Variants in GABRB3 observed in about 807,000 individuals in gnomAD.
The protein encoded by GABRB3 is gamma-aminobutyric acid receptor subunit beta-3.
In GABRB3, 14 loss-of-function variants were observed where a neutral mutation model predicts 52.1. The ratio of observed to expected loss-of-function variants is 0.27; its 90% CI spans 0.18 to 0.42. The LOEUF is 0.42. Ranked by LOEUF, GABRB3 falls within the 10% of genes least tolerant of loss-of-function variation. GABRB3 has a pLI of 1.00. For synonymous variants in GABRB3, 260 were observed against 232.3 expected (o/e 1.12, Z -1.08); for missense variants, 307 against 609.1 (o/e 0.50, Z 5.22).
At chr15:26,654,130 T>C (rs1887287577) in intron 3 of GABRB3, among the ~76,000 whole-genome samples, 1 of 152,306 alleles carries the variant, frequency 6.6e-6, no homozygotes, top group Non-Finnish European at 1.5e-5. Context: ...AAATTTGTGG[T>C]AAACAAAGGT....
At chr15:26,599,103 C>A (rs184877113) in intron 4 of GABRB3, among the ~76,000 whole-genome samples, 2 of 152,286 alleles carry the variant, frequency 1.3e-5, no homozygotes, top group East Asian at 1.9e-4. Context: ...TGCGCAATGA[C>A]CTTGCCCAGG....
chr15:26,619,321 T>C (rs1490193709), intron 4 of GABRB3, among the ~76,000 whole-genome samples: 5 of 151,676 alleles, frequency 3.3e-5, no homozygotes, highest in African/African-American at 9.7e-5. Flanking sequence ...ATATACACCA[T>C]GGAATACTAT....
Position 26,667,615 on chromosome 15 carries a change from A to G in GABRB3, c.241-46081T>C, listed in dbSNP as rs144384088. Among the ~76,000 whole-genome samples the G allele has an allele frequency of 9.7e-3, 1,470 of 152,326 alleles. 10 individuals are homozygous for G. Among genetic ancestry groups the G allele is most frequent in the Middle Eastern group, 0.02 (6 of 294 alleles). On this transcript the variant is annotated intron_variant, in intron 3 of 8. Transcript: ENST00000311550. ...TCTTTGGTATTAAAAGGTGACCTCC[A>G]CTAATCACTGAGTTAAAACAATCTA...
At chr15:26,603,119 T>C (rs1566768510) in intron 4 of GABRB3, among the ~76,000 whole-genome samples, 1 of 151,968 alleles carries the variant, frequency 6.6e-6, no homozygotes, top group East Asian at 1.9e-4. Flanking sequence ...GGATCATCAG[T>C]GGCTACTATA....
chr15:26,705,469 C>T (rs955502231), intron 3 of GABRB3, among the ~76,000 whole-genome samples: 31 of 152,158 alleles, frequency 2.0e-4, no homozygotes, highest in African/African-American at 6.8e-4. Flanking sequence ...CCCAAATGTC[C>T]ATCAACAGAT....
intron 3 of GABRB3, among the ~76,000 whole-genome samples, chr15:26,759,384 C>G (rs1005067147): frequency 6.6e-6 from 1 of 152,164 alleles, no homozygotes; most frequent in African/African-American, 2.4e-5. Flanking sequence ...CCTCAGCCCC[C>G]TGAGTAGCTG....
intron 6 of GABRB3, among the ~76,000 whole-genome samples, chr15:26,570,521 C>G (rs1473507574): frequency 6.6e-6 from 1 of 152,204 alleles, no homozygotes; most frequent in African/African-American, 2.4e-5. Flanking sequence ...TTGCTTCCCA[C>G]AAACATCAAA....
Position 26,671,714 on chromosome 15 carries a change from G to A in GABRB3, c.241-50180C>T, listed in dbSNP as rs115728187. On this transcript the variant is annotated intron_variant, in intron 3 of 8. Transcript: ENST00000311550. ...ATTGTGCTTCATCAATTTTATGGTT[G>A]ACATGTTTTCAATTTACTTTGTACT... Among the ~76,000 whole-genome samples the A allele has an allele frequency of 6.9e-3, 1,048 of 152,244 alleles. 15 individuals are homozygous for A. The highest frequency in any genetic ancestry group is 0.025 in the African/African-American group (1,019 of 41,542).
intron 3 of GABRB3, among the ~76,000 whole-genome samples, chr15:26,651,107 G>A (rs991234346): frequency 6.6e-6 from 1 of 152,192 alleles, no homozygotes; most frequent in African/African-American, 2.4e-5. Context: ...GAGGGCAACT[G>A]CTCTGGGCAC....
chr15:26,732,256 A>AGATG (rs71130266), intron 3 of GABRB3, among the ~76,000 whole-genome samples: 5 of 144,256 alleles, frequency 3.5e-5, no homozygotes, highest in African/African-American at 1.0e-4. Context: ...ATGGATGAAT[A>AGATG]GATGGATGGA....
rs1567097228 is a variant in GABRB3 at position 26,554,144 on chromosome 15, G to GTGTGTGTGTATA, written c.1081-6011_1081-6010insTATACACACACA. ...GTGTGTGTGTATATATATATATAAAGTATATATATATATAAAGTATATATA... is the reference window on the plus strand; with the variant it reads ...GTGTGTGTGTATATATATATATAAAGTGTGTGTGTATATATATATATATATAAAGTATATATA... On this transcript the variant is annotated intron_variant, in intron 8 of 8. Transcript: ENST00000311550. Among the ~76,000 whole-genome samples, 17 of 32,300 alleles carry GTGTGTGTGTATA rather than the reference G, an allele frequency of 5.3e-4. 1 individual carries two copies. Among genetic ancestry groups the GTGTGTGTGTATA allele is most frequent in the African/African-American group, 2.0e-3 (17 of 8,442 alleles). 21.2% of individuals were successfully genotyped at this position (32,300 alleles called of 152,430 possible). A position where few individuals can be genotyped will look rare whatever the true frequency, so the allele number is the denominator to read the frequency against.
intron 3 of GABRB3, chr15:26,628,883 C>T: frequency 2.3e-6 from 3 of 1,288,970 alleles, no homozygotes; most frequent in Non-Finnish European, 3.2e-6. Context: ...GGCTCTCAGG[C>T]CTTGGAAATC....
rs983078083 is a variant in GABRB3 at position 26,754,238 on chromosome 15, A to T, written c.240+18164T>A. ...AGAAGGAAGAGTAAGAATGGGAGAG[A>T]GGGAGAGAAGACGACCAGCAACAAG... On this transcript the variant is annotated intron_variant, in intron 3 of 8. Coordinates refer to ENST00000311550, the MANE Select transcript of GABRB3 (RefSeq NM_000814.6). Among the ~76,000 whole-genome samples the T allele has an allele frequency of 9.8e-5, 15 of 152,318 alleles. No homozygotes were observed. The South Asian group carries it at 1.5e-3, about 15-fold the overall frequency.
intron 3 of GABRB3, among the ~76,000 whole-genome samples, chr15:26,643,510 G>A (rs1177402288): frequency 6.6e-6 from 1 of 152,132 alleles, no homozygotes; most frequent in Non-Finnish European, 1.5e-5. Context: ...TGTTCATGTT[G>A]TGGTGTCTTC....
intron 3 of GABRB3, among the ~76,000 whole-genome samples, chr15:26,739,237 G>A (rs1890141733): frequency 2.6e-5 from 4 of 152,004 alleles, no homozygotes; most frequent in Admixed American, 1.3e-4. Flanking sequence ...AGTAAGGTCA[G>A]TGTCTACAGA....
At chr15:26,624,831 G>A (rs1892625124) in intron 3 of GABRB3, 2 of 985,446 alleles carry the variant, frequency 2.0e-6, no homozygotes, top group East Asian at 1.1e-4. Flanking sequence ...GTGCAGCCGG[G>A]AGTAGCAAAT....
chr15:26,593,803 C>A (rs1234951789), intron 4 of GABRB3, among the ~76,000 whole-genome samples: 6 of 151,602 alleles, frequency 4.0e-5, no homozygotes, highest in African/African-American at 1.5e-4. Context: ...CTGTTTGGGT[C>A]ACTTCTTTTG....
chr15:26,628,901 G>C (rs1320835999), intron 3 of GABRB3: 1 of 1,398,440 alleles, frequency 7.2e-7, no homozygotes, highest in African/African-American at 1.4e-5. Context: ...ATCCGAGCTG[G>C]GAGGTGTGGG....
At chr15:26,764,957 C>T (rs547163090) in intron 3 of GABRB3, among the ~76,000 whole-genome samples, 7 of 151,952 alleles carry the variant, frequency 4.6e-5, no homozygotes, top group African/African-American at 1.4e-4. Context: ...GGTGAAAACC[C>T]GTCTCTACTA....
Sources: gnomAD v4.1 joint callset for allele counts (sites outside exome capture counted in the v4.1 genomes callset) on GRCh38, gnomAD v4.1.1 for gene constraint, MANE v1.5 for transcripts, NCBI Gene and HGNC (gene_info 2026-07-23, HGNC 2026-07-21) for gene names.